The following RBFOX3 variants were observed in gnomAD, a reference collection of about 807,000 sequenced individuals.
RBFOX3 encodes the protein RNA binding fox-1 homolog 3.
A neutral mutation model predicts 48.7 loss-of-function variants in RBFOX3; 17 were observed. The observed-to-expected ratio is 0.35, with a 90% CI of 0.24 to 0.52. The LOEUF (loss-of-function observed/expected upper bound fraction) is 0.52. Among genes scored for constraint, RBFOX3 ranks in the 20% least tolerant of loss-of-function variants. RBFOX3 has a pLI of 0.94. For synonymous variants in RBFOX3, 212 were observed against 209.5 expected (o/e 1.01, Z -0.10); for missense variants, 382 against 497.5 (o/e 0.77, Z 2.21).
chr17:79,609,978 C>T (rs1221929411), intron 1 of RBFOX3, among the ~76,000 whole-genome samples: 4 of 152,060 alleles, frequency 2.6e-5, no homozygotes, highest in African/African-American at 7.2e-5. Context: ...TTTCCCAGCC[C>T]GGCCGCGCTG....
At chr17:79,151,444 AGG>A (rs1259557690) in intron 4 of RBFOX3, among the ~76,000 whole-genome samples, 1 of 5,858 alleles carries the variant, frequency 1.7e-4, no homozygotes, top group African/African-American at 5.4e-4. Context: ...AGGGGAGGCG[AGG>A]ATGGGAGGGG....
chr17:79,587,180 C>T (rs900762209), intron 1 of RBFOX3, among the ~76,000 whole-genome samples: 9 of 152,146 alleles, frequency 5.9e-5, no homozygotes, highest in African/African-American at 2.2e-4. Flanking sequence ...CTCTCCAAGA[C>T]CCCCCGCAAC....
chr17:79,574,680 G>A (rs1007769111), intron 1 of RBFOX3, among the ~76,000 whole-genome samples: 4 of 152,124 alleles, frequency 2.6e-5, no homozygotes, highest in South Asian at 2.1e-4. Context: ...CCGCTGCTCC[G>A]CCTATGGAGT....
chr17:79,523,827 T>G (rs1420554156), intron 1 of RBFOX3, among the ~76,000 whole-genome samples: 1 of 152,168 alleles, frequency 6.6e-6, no homozygotes, highest in Non-Finnish European at 1.5e-5. Flanking sequence ...ACATTTTGAG[T>G]GGTCCTTGAT....
chr17:79,106,399 G>A (rs1045714893), intron 6 of RBFOX3, among the ~76,000 whole-genome samples: 3 of 151,990 alleles, frequency 2.0e-5, no homozygotes, highest in African/African-American at 7.3e-5. Context: ...GGGGTTTGAG[G>A]GGCAGCCGCA....
At chr17:79,561,922 G>C (rs2092247584) in intron 1 of RBFOX3, among the ~76,000 whole-genome samples, 1 of 152,162 alleles carries the variant, frequency 6.6e-6, no homozygotes, top group South Asian at 2.1e-4. Context: ...CATGCATGGT[G>C]CTATGAGTCC....
At chr17:79,221,897 C>T (rs2059774573) in intron 4 of RBFOX3, among the ~76,000 whole-genome samples, 5 of 152,086 alleles carry the variant, frequency 3.3e-5, no homozygotes, top group Admixed American at 6.5e-5. Context: ...CTGGCAGGAG[C>T]GGGGAAGGGT....
intron 2 of RBFOX3, among the ~76,000 whole-genome samples, chr17:79,326,766 C>G (rs527419792): frequency 6.6e-6 from 1 of 152,314 alleles, no homozygotes; most frequent in East Asian, 1.9e-4. Flanking sequence ...AGTGTGAACC[C>G]TCAGGCCCTG....
chr17:79,249,889 C>G lies in RBFOX3; in HGVS notation c.-73-14084G>C, dbSNP rs1268131720. Reference sequence around the variant, plus strand: ...GTGTGTCTTTTTTACCCCATTAAAACAAATTCCAGGTATCCTTAGATCCCC... The same window carrying G: ...GTGTGTCTTTTTTACCCCATTAAAAGAAATTCCAGGTATCCTTAGATCCCC... On this transcript the variant is annotated intron_variant, in intron 3 of 14. Transcript: ENST00000693108. This position sits in a 1 kb window ranked among gnomAD's most constrained non-coding sequence, Gnocchi z 4.1. 1.3e-5 allele frequency among the ~76,000 whole-genome samples: 2 copies of G among 152,172 alleles called. No individual in the cohort carries two copies. Among genetic ancestry groups the G allele is most frequent in the Non-Finnish European group, 2.9e-5 (2 of 68,032 alleles).
intron 11 of RBFOX3, among the ~76,000 whole-genome samples, 198 bp downstream of exon 11, chr17:79,097,094 G>A (rs890210978): frequency 6.6e-6 from 1 of 152,064 alleles, no homozygotes; most frequent in Admixed American, 6.5e-5. Context: ...AGTGACCTCC[G>A]CGATGCCCGC....
intron 8 of RBFOX3, among the ~76,000 whole-genome samples, chr17:79,102,085 C>A (rs889374111): frequency 1.3e-5 from 2 of 152,226 alleles, no homozygotes; most frequent in East Asian, 3.9e-4. Context: ...TGATGCCCCC[C>A]TCCCCCGAGG....
chr17:79,170,140 G>C (rs906830629), intron 4 of RBFOX3, among the ~76,000 whole-genome samples: 3 of 123,186 alleles, frequency 2.4e-5, no homozygotes, highest in African/African-American at 4.0e-5. Flanking sequence ...GGAGGAAGGA[G>C]GGAAGGAAGG....
At chr17:79,341,898 T>C (rs2082154937) in intron 2 of RBFOX3, among the ~76,000 whole-genome samples, 1 of 152,264 alleles carries the variant, frequency 6.6e-6, no homozygotes, top group African/African-American at 2.4e-5. Flanking sequence ...TATCCGTGAA[T>C]GCAGGTGATG....
intron 1 of RBFOX3, among the ~76,000 whole-genome samples, chr17:79,488,421 A>G (rs2079986240): frequency 6.6e-6 from 1 of 152,166 alleles, no homozygotes; most frequent in Non-Finnish European, 1.5e-5. Flanking sequence ...CTCTGGGCAG[A>G]TGCAGCCTTG....
intron 4 of RBFOX3, among the ~76,000 whole-genome samples, chr17:79,213,649 C>T (rs74001669): frequency 0.011 from 1,612 of 152,312 alleles, 24 homozygotes; most frequent in African/African-American, 0.037. Context: ...TGTCCTGAGC[C>T]TTCCCCGGGG....
At chr17:79,422,755 T>A (rs2066652975) in intron 2 of RBFOX3, among the ~76,000 whole-genome samples, 1 of 152,058 alleles carries the variant, frequency 6.6e-6, no homozygotes, top group African/African-American at 2.4e-5. Flanking sequence ...CAACTTCATA[T>A]GTTGCAGCCC....
chr17:79,331,655 T>G (rs946190954), intron 2 of RBFOX3, among the ~76,000 whole-genome samples: 5 of 152,190 alleles, frequency 3.3e-5, no homozygotes, highest in African/African-American at 1.2e-4. Context: ...TCACAATCAC[T>G]TTTGTTCTCT....
chr17:79,171,324 C>T (rs898662864), intron 4 of RBFOX3, among the ~76,000 whole-genome samples: 13 of 152,242 alleles, frequency 8.5e-5, no homozygotes, highest in South Asian at 2.1e-4. Flanking sequence ...GGCTTCACCA[C>T]GCTGCCATCT....
intron 4 of RBFOX3, among the ~76,000 whole-genome samples, chr17:79,159,306 G>C (rs766967440): frequency 6.6e-6 from 1 of 152,148 alleles, no homozygotes; most frequent in African/African-American, 2.4e-5. Flanking sequence ...GAGCTGGCCC[G>C]GGCGGTTCCT....
Sources: gnomAD v4.1 joint callset for allele counts (sites outside exome capture counted in the v4.1 genomes callset) on GRCh38, gnomAD v4.1.1 for gene constraint, Gnocchi (gnomAD v3.1) non-coding constraint, MANE v1.5 for transcripts, NCBI Gene and HGNC (gene_info 2026-07-23, HGNC 2026-07-21) for gene names.